The following SYN2 variants were observed in gnomAD, a reference collection of about 807,000 sequenced individuals.
SYN2 encodes synapsin II.
Under a neutral mutation model 50.9 loss-of-function variants are expected in SYN2, and 19 were observed. The ratio of observed to expected loss-of-function variants is 0.37; its 90% CI spans 0.26 to 0.55. The LOEUF is 0.55. SYN2 is among the 20% of genes least tolerant of loss of function. The pLI is 0.81. For missense variants in SYN2, 587 were observed against 576.4 expected (o/e 1.02, Z -0.19); for synonymous variants, 255 against 224.9 (o/e 1.13, Z -1.20).
intron 1 of SYN2, among the ~76,000 whole-genome samples, chr3:12,135,909 A>G (rs1177238885): frequency 6.6e-6 from 1 of 152,246 alleles, no homozygotes; most frequent in Non-Finnish European, 1.5e-5. Context: ...ACAGGCCTAG[A>G]GCATATAATC....
chr3:12,027,420 TC>T (rs1377370267), intron 1 of SYN2, among the ~76,000 whole-genome samples: 3 of 152,078 alleles, frequency 2.0e-5, no homozygotes, highest in African/African-American at 7.2e-5. Flanking sequence ...GTACCCATTG[TC>T]CCCCTTTTTA....
intron 1 of SYN2, among the ~76,000 whole-genome samples, chr3:12,064,120 T>G (rs529556763): frequency 6.6e-6 from 1 of 152,046 alleles, no homozygotes; most frequent in East Asian, 1.9e-4. Context: ...ATCTCTGTGG[T>G]CTTTTTTCCT....
At chr3:12,108,518 GA>G (rs1696247113) in intron 1 of SYN2, among the ~76,000 whole-genome samples, 1 of 152,236 alleles carries the variant, frequency 6.6e-6, no homozygotes, top group Admixed American at 6.5e-5. Flanking sequence ...ATAGGAGTGG[GA>G]AGAGGGCTTT....
chr3:12,173,862 CGA>C (rs913886763), intron 10 of SYN2, among the ~76,000 whole-genome samples: 15 of 151,990 alleles, frequency 9.9e-5, no homozygotes, highest in African/African-American at 3.6e-4. Context: ...TGCAGTGAGC[CGA>C]GATCGTACCA....
intron 1 of SYN2, among the ~76,000 whole-genome samples, chr3:12,016,553 T>A (rs1303025585): frequency 6.6e-6 from 1 of 152,198 alleles, no homozygotes; most frequent in Non-Finnish European, 1.5e-5. Flanking sequence ...TCTCAATTTC[T>A]GTTTCAAAAA....
intron 1 of SYN2, among the ~76,000 whole-genome samples, chr3:12,062,806 C>T (rs1199662937): frequency 6.6e-6 from 1 of 151,992 alleles, no homozygotes; most frequent in Non-Finnish European, 1.5e-5. Context: ...CAACTTTATT[C>T]ATAATCAGCA....
intron 1 of SYN2, among the ~76,000 whole-genome samples, chr3:12,137,531 GAA>G (rs909940217): frequency 6.6e-6 from 1 of 152,166 alleles, no homozygotes; most frequent in African/African-American, 2.4e-5. Flanking sequence ...CCAAAAGCAA[GAA>G]ACTAGAAATC....
At chr3:12,006,516 A>G (rs1321548207) in intron 1 of SYN2, among the ~76,000 whole-genome samples, 1 of 152,220 alleles carries the variant, frequency 6.6e-6, no homozygotes, top group Non-Finnish European at 1.5e-5. Flanking sequence ...TACTCTCAGC[A>G]TGATATCTCA....
At chr3:12,159,544 G>A (rs1386545229) in intron 5 of SYN2, among the ~76,000 whole-genome samples, 1 of 152,160 alleles carries the variant, frequency 6.6e-6, no homozygotes, top group Admixed American at 6.5e-5. Flanking sequence ...CAGTGCTTTA[G>A]AAACCCTTTC....
chr3:12,098,570 G>C (rs898593956), intron 1 of SYN2, among the ~76,000 whole-genome samples: 2 of 151,782 alleles, frequency 1.3e-5, no homozygotes, highest in Non-Finnish European at 2.9e-5. Context: ...TTTAAAAAAA[G>C]TAAATAAATG....
intron 11 of SYN2, chr3:12,183,852 C>A (rs1006594741): frequency 2.9e-6 from 3 of 1,026,656 alleles, no homozygotes; most frequent in Non-Finnish European, 3.5e-6. Flanking sequence ...CTCTCCTCCC[C>A]CCAAGCTCAG....
At chr3:12,083,392 G>C (rs2125175962) in intron 1 of SYN2, among the ~76,000 whole-genome samples, 1 of 152,290 alleles carries the variant, frequency 6.6e-6, no homozygotes, top group Admixed American at 6.5e-5. Context: ...GTCTCTCTCT[G>C]TATTGGTGGT....
intron 1 of SYN2, among the ~76,000 whole-genome samples, chr3:12,121,002 C>A (rs1204932132): frequency 6.6e-6 from 1 of 152,188 alleles, no homozygotes. Context: ...GCCATCATTC[C>A]TTGCCTTATA....
At chr3:12,114,029 C>T (rs1696379410) in intron 1 of SYN2, among the ~76,000 whole-genome samples, 1 of 151,388 alleles carries the variant, frequency 6.6e-6, no homozygotes, top group Non-Finnish European at 1.5e-5. Flanking sequence ...TAATGCTGCA[C>T]CGTTTTATAT....
intron 12 of SYN2, 80 bp from the exon 13 acceptor site, chr3:12,190,410 G>A (rs1446159895): frequency 3.3e-6 from 5 of 1,528,364 alleles, no homozygotes; most frequent in Non-Finnish European, 4.5e-6. Context: ...GGTTCTAGCT[G>A]TGTATCCTCA....
intron 1 of SYN2, among the ~76,000 whole-genome samples, chr3:12,121,570 G>A (rs148537373): frequency 2.0e-5 from 3 of 150,714 alleles, no homozygotes; most frequent in Non-Finnish European, 4.4e-5. Flanking sequence ...ATGTTCTCCA[G>A]TGAAACAGAA....
chr3:12,082,565 T>C (rs1695604371), intron 1 of SYN2, among the ~76,000 whole-genome samples: 3 of 152,240 alleles, frequency 2.0e-5, no homozygotes, highest in Non-Finnish European at 4.4e-5. Context: ...TCCAAAGTGC[T>C]AACTTCAGAA....
At chr3:12,064,934 G>A (rs1356058178) in intron 1 of SYN2, among the ~76,000 whole-genome samples, 3 of 152,078 alleles carry the variant, frequency 2.0e-5, no homozygotes, top group Admixed American at 6.6e-5. Context: ...TGTTCATAGC[G>A]TTATTCATAT....
At chr3:12,037,945 T>A (rs1013021743) in intron 1 of SYN2, among the ~76,000 whole-genome samples, 1 of 152,238 alleles carries the variant, frequency 6.6e-6, no homozygotes, top group Admixed American at 6.5e-5. Flanking sequence ...TTTTGTTGCT[T>A]GTGTTTTTTG....
Sources: allele counts gnomAD v4.1 joint callset (sites outside exome capture counted in the v4.1 genomes callset), GRCh38; gene constraint gnomAD v4.1.1; transcripts MANE v1.5; gene names NCBI Gene and HGNC (gene_info 2026-07-23, HGNC 2026-07-21).